Variants in KLHL25 observed in about 807,000 individuals in gnomAD.
The protein encoded by KLHL25 is kelch like family member 25, also known as kelch-like protein 25.
A neutral mutation model predicts 30.0 loss-of-function variants in KLHL25; 41 were observed. The observed-to-expected ratio is 1.37, with a 90% CI of 1.07 to 1.78. KLHL25 has a LOEUF of 1.78. Among genes scored for constraint, KLHL25 ranks in the 40% most tolerant of loss-of-function variants. The pLI, the probability that KLHL25 is intolerant of heterozygous loss-of-function variation, is 0.00. For synonymous variants in KLHL25, 399 were observed against 355.3 expected (o/e 1.12, Z -1.38); for missense variants, 971 against 824.5 (o/e 1.18, Z -2.18).
intron 1 of KLHL25, among the ~76,000 whole-genome samples, chr15:85,783,110 T>C (rs956476520): frequency 6.6e-6 from 1 of 152,164 alleles, no homozygotes; most frequent in South Asian, 2.1e-4. Flanking sequence ...TTATTTATTA[T>C]TTATTTTGAG....
In KLHL25 at chr15:85,771,540, C is replaced by T. The variant is rs537876099; in HGVS notation, c.-10-1720G>A. 9.8e-5 allele frequency among the ~76,000 whole-genome samples: 15 copies of T among 152,322 alleles called. No individual in the cohort carries two copies. The South Asian group carries it at 1.7e-3, about 17-fold the overall frequency. Reference sequence around the variant, plus strand: ...AAGAGGCAGAGAAGCCACAAACTGACGAGATTAGAGCTAGCAAGGTCCCTG... The same window carrying T: ...AAGAGGCAGAGAAGCCACAAACTGATGAGATTAGAGCTAGCAAGGTCCCTG... On this transcript the variant is annotated intron_variant, in intron 1 of 2. Transcript: ENST00000337975.
chr15:85,765,401 G>A (rs1258542980), intron 2 of KLHL25, among the ~76,000 whole-genome samples: 1 of 152,042 alleles, frequency 6.6e-6, no homozygotes. Flanking sequence ...CGAGGCGGGT[G>A]GATCACCTGA....
chr15:85,790,904 A>T (rs63171361), intron 1 of KLHL25, among the ~76,000 whole-genome samples: 2 of 83,798 alleles, frequency 2.4e-5, no homozygotes, highest in South Asian at 3.3e-4. Flanking sequence ...GCTGCCATTT[A>T]AAAAAAAAAA....
At chr15:85,761,090 A>C (rs2089579191) in intron 2 of KLHL25, 79 bp from the exon 3 acceptor site, 1 of 152,296 alleles carries the variant, frequency 6.6e-6, no homozygotes, top group African/African-American at 2.4e-5. Context: ...ACAAAATGAC[A>C]ATGACACAGC....
At chr15:85,781,552 C>T (rs1336062062) in intron 1 of KLHL25, among the ~76,000 whole-genome samples, 4 of 152,080 alleles carry the variant, frequency 2.6e-5, no homozygotes, top group Admixed American at 6.5e-5. Flanking sequence ...GGTGTGATGT[C>T]GGCTCACTGC....
At chr15:85,784,636 G>A (rs2151812449) in intron 1 of KLHL25, among the ~76,000 whole-genome samples, 1 of 152,324 alleles carries the variant, frequency 6.6e-6, no homozygotes, top group Admixed American at 6.5e-5. Context: ...CATCACTGCA[G>A]GTTTGAAGAT....
intron 1 of KLHL25, among the ~76,000 whole-genome samples, chr15:85,778,902 G>T (rs1024849938): frequency 1.7e-4 from 26 of 152,084 alleles, no homozygotes; most frequent in African/African-American, 5.8e-4. Context: ...CTCTCCTATG[G>T]GTCACTGGTC....
intron 1 of KLHL25, among the ~76,000 whole-genome samples, chr15:85,792,584 C>G (rs970371399): frequency 2.0e-5 from 3 of 152,198 alleles, no homozygotes; most frequent in African/African-American, 7.2e-5. Context: ...CAGCTTCCTA[C>G]AAATGCGCTG....
chr15:85,768,521 CA>C lies in KLHL25; in HGVS notation c.1289del (p.Leu430CysfsTer11). 6.2e-7 allele frequency: 1 copy of C among 1,613,748 alleles called. No individual in the cohort carries two copies. The highest frequency in any genetic ancestry group is 8.5e-7 in the Non-Finnish European group (1 of 1,179,944). ...CTGCGGCATTGCTGACGCCATCCCG[CA>C]AGGGGGCCACCATCATCCACTTGTT... ...GANKWMMVAPLRDGVSNAAVV... is the reference protein window; with the variant it reads ...GANKWMMVAPXRDGVSNAAVV... On this transcript the variant is annotated frameshift_variant, in exon 2 of 3. Coordinates refer to ENST00000337975, the MANE Select transcript of KLHL25 (RefSeq NM_022480.4). LOFTEE classifies it high-confidence loss of function.
chr15:85,768,593 C>T lies in KLHL25; in HGVS notation c.1218G>A (p.Ser406=), dbSNP rs1368368713. 13 of 1,610,746 alleles carry T rather than the reference C, an allele frequency of 8.1e-6. No homozygotes were observed. The highest frequency in any genetic ancestry group is 2.7e-5 in the African/African-American group (2 of 74,906). ...HTSLAGVFPA[S]PSVSLKQVEK... is the part of the protein sequence containing the mutation. ...CCACTTGTTTCAGGGAGACAGAAGG[C>T]GAGGCCGGGAAGACCCCTGCCAGGG... is the stretch of plus-strand genomic sequence containing the variant. Residue 406 remains serine (S), a synonymous_variant, in exon 2 of 3, where the codon TCG becomes TCA. Coordinates refer to ENST00000337975, the MANE Select transcript of KLHL25 (RefSeq NM_022480.4).
At chr15:85,788,289 C>T (rs2089794414) in intron 1 of KLHL25, among the ~76,000 whole-genome samples, 1 of 152,126 alleles carries the variant, frequency 6.6e-6, no homozygotes, top group African/African-American at 2.4e-5. Flanking sequence ...TCTGATCCTC[C>T]CACGGCTGGC....
rs563892668 is a variant in KLHL25, at chr15:85,770,180, G to C, written c.-10-360C>G. Among the ~76,000 whole-genome samples, 150 of 152,322 alleles carry C rather than the reference G, an allele frequency of 9.8e-4. 2 individuals are homozygous for C. Among genetic ancestry groups the C allele is most frequent in the African/African-American group, 3.6e-3 (150 of 41,572 alleles). On this transcript the variant is annotated intron_variant, in intron 1 of 2. Coordinates refer to ENST00000337975, the MANE Select transcript of KLHL25 (RefSeq NM_022480.4). ...GAGGCTGGTGTCCGGGCAGTGCTAAGTAACTGGTGCCTTTGACCACATTCC... is the reference window on the plus strand; with the variant it reads ...GAGGCTGGTGTCCGGGCAGTGCTAACTAACTGGTGCCTTTGACCACATTCC...
chr15:85,780,563 G>A (rs2089736798), intron 1 of KLHL25, among the ~76,000 whole-genome samples: 6 of 152,206 alleles, frequency 3.9e-5, no homozygotes. Flanking sequence ...TGACAGTCTT[G>A]GAGGAACACA....
chr15:85,761,866 G>A (rs1426779223), intron 2 of KLHL25: 1 of 152,246 alleles, frequency 6.6e-6, no homozygotes, highest in Admixed American at 6.5e-5. Flanking sequence ...AGCTGTACGT[G>A]TTAGTTTTAG....
chr15:85,780,722 C>A (rs2089737600), intron 1 of KLHL25, among the ~76,000 whole-genome samples: 1 of 152,202 alleles, frequency 6.6e-6, no homozygotes, highest in Admixed American at 6.5e-5. Flanking sequence ...CCTCTCAATT[C>A]CCAAAGCCCA....
chr15:85,781,924 G>A (rs968890691), intron 1 of KLHL25, among the ~76,000 whole-genome samples: 4 of 152,018 alleles, frequency 2.6e-5, no homozygotes, highest in South Asian at 4.2e-4. Flanking sequence ...TGCTGTCACC[G>A]GAGGCAGCTG....
At chr15:85,787,397 G>C (rs2089787731) in intron 1 of KLHL25, among the ~76,000 whole-genome samples, 1 of 152,128 alleles carries the variant, frequency 6.6e-6, no homozygotes, top group African/African-American at 2.4e-5. Flanking sequence ...TGTAACCTGA[G>C]ATCATGCCAT....
intron 1 of KLHL25, among the ~76,000 whole-genome samples, chr15:85,776,166 C>G (rs2089707818): frequency 9.5e-6 from 1 of 104,976 alleles, no homozygotes. Context: ...GAGCGAGACT[C>G]TGTCTCAAAA....
At chr15:85,788,056 C>CAA (rs60547525) in intron 1 of KLHL25, among the ~76,000 whole-genome samples, 9,929 of 57,678 alleles carry the variant, frequency 0.17, 1,070 homozygotes, top group East Asian at 0.26. Context: ...AACTAGATCT[C>CAA]AAAAAAAAAA....
Sources: allele counts gnomAD v4.1 joint callset (sites outside exome capture counted in the v4.1 genomes callset), GRCh38; gene constraint gnomAD v4.1.1; transcripts MANE v1.5; gene names NCBI Gene and HGNC (gene_info 2026-07-23, HGNC 2026-07-21).